Variants in ERO1B observed in about 807,000 individuals in gnomAD.
ERO1B encodes ERO1-like protein beta.
A neutral mutation model predicts 75.3 loss-of-function variants in ERO1B; 49 were observed. That is an observed-to-expected ratio of 0.65 (90% confidence interval 0.52 to 0.83). The LOEUF (loss-of-function observed/expected upper bound fraction) is 0.83, where lower values mean the gene tolerates loss of function less well. Among genes scored for constraint, ERO1B ranks in the 40% least tolerant of loss-of-function variants. ERO1B has a pLI of 0.00. For synonymous variants in ERO1B, 191 were observed against 192.9 expected (o/e 0.99, Z 0.08); for missense variants, 512 against 560.1 (o/e 0.91, Z 0.87).
At chr1:236,221,666 C>A in intron 14 of ERO1B, 1 of 343,824 alleles carries the variant, frequency 2.9e-6, no homozygotes. Flanking sequence ...ACCAACTTCA[C>A]AAATGAATCT....
intron 6 of ERO1B, among the ~76,000 whole-genome samples, chr1:236,237,410 C>T (rs1317329290): frequency 2.0e-5 from 3 of 151,956 alleles, no homozygotes; most frequent in Admixed American, 6.6e-5. Flanking sequence ...CCACTGTGCC[C>T]GGCCCTATTT....
intron 2 of ERO1B, among the ~76,000 whole-genome samples, chr1:236,261,094 T>G (rs758169458): frequency 6.6e-6 from 1 of 152,030 alleles, no homozygotes; most frequent in Non-Finnish European, 1.5e-5. Flanking sequence ...AAAAAACATA[T>G]GACAAAATTC....
chr1:236,220,482 C>T (rs1257481822), intron 15 of ERO1B: 1 of 157,868 alleles, frequency 6.3e-6, no homozygotes, highest in East Asian at 1.8e-4. Context: ...AAATAAGGAG[C>T]AGATGAAGGT....
intron 15 of ERO1B, 97 bp from the exon 16 acceptor site, chr1:236,218,673 A>T (rs1228919723): frequency 9.3e-7 from 1 of 1,080,222 alleles, no homozygotes; most frequent in Non-Finnish European, 1.2e-6. Context: ...TGAAAGCAAA[A>T]CCTAAAATAA....
intron 6 of ERO1B, among the ~76,000 whole-genome samples, chr1:236,240,194 C>T (rs770603324): frequency 3.3e-5 from 5 of 152,016 alleles, no homozygotes; most frequent in Non-Finnish European, 5.9e-5. Context: ...CATGGGCCAC[C>T]GTGCCTGGCC....
intron 7 of ERO1B, 45 bp downstream of exon 7, chr1:236,236,233 G>A (rs756759904): frequency 1.7e-5 from 28 of 1,609,644 alleles, no homozygotes; most frequent in South Asian, 3.3e-5. Flanking sequence ...GGCCTCTCCC[G>A]ACCCTCTATC....
chr1:236,270,724 G>A (rs905145909), intron 1 of ERO1B, among the ~76,000 whole-genome samples: 4 of 152,076 alleles, frequency 2.6e-5, no homozygotes, highest in African/African-American at 7.2e-5. Context: ...TATCTTCCAG[G>A]AATTATCCTG....
intron 2 of ERO1B, among the ~76,000 whole-genome samples, chr1:236,263,778 C>CTTTTTTTTTTTTTTTTTTGTTT (rs1665347525): frequency 1.2e-5 from 1 of 80,298 alleles, no homozygotes; most frequent in African/African-American, 5.2e-5. Flanking sequence ...ATTTTGTTTG[C>CTTTTTTTTTTTTTTTTTTGTTT]TTTTTTTTTT....
In ERO1B at chr1:236,220,692, C is replaced by T. The variant is rs45566335; in HGVS notation, c.1343+140G>A. 3,298 of 729,048 alleles carry T rather than the reference C, an allele frequency of 4.5e-3. 15 individuals are homozygous for T. The highest frequency in any genetic ancestry group is 6.0e-3 in the Non-Finnish European group (2,974 of 498,740). 45.2% of individuals were successfully genotyped at this position (729,048 alleles called of 1,614,324 possible). On this transcript the variant is annotated intron_variant, in intron 15 of 15. Transcript: ENST00000354619. ...GAAACTGACTTGTCAGCATTAAGGC[C>T]TCTCTAAGTTAGTACAGATACAATA...
At chr1:236,280,005 G>T (rs1371359818) in intron 1 of ERO1B, among the ~76,000 whole-genome samples, 2 of 151,966 alleles carry the variant, frequency 1.3e-5, no homozygotes, top group Non-Finnish European at 2.9e-5. Context: ...AAGTACAGGG[G>T]CAGGCCAGGT....
At chr1:236,273,810 G>GAAAAAAAAAAAAAAAAAAAAAAAAAAAAA (rs71176476) in intron 1 of ERO1B, among the ~76,000 whole-genome samples, 1 of 102,732 alleles carries the variant, frequency 9.7e-6, no homozygotes, top group African/African-American at 3.5e-5. Context: ...TGTCTCAAAA[G>GAAAAAAAAAAAAAAAAAAAAAAAAAAAAA]AAAAAAAAAA....
chr1:236,239,395 A>G (rs1161696679), intron 6 of ERO1B, among the ~76,000 whole-genome samples: 1 of 152,184 alleles, frequency 6.6e-6, no homozygotes, highest in African/African-American at 2.4e-5. Context: ...TAGTCAGTCT[A>G]TAAAGCCTAA....
intron 7 of ERO1B, 70 bp from the exon 8 acceptor site, chr1:236,235,905 A>G (rs1664529489): frequency 7.4e-7 from 1 of 1,346,260 alleles, no homozygotes; most frequent in Admixed American, 2.1e-5. Flanking sequence ...TTATTCCAAT[A>G]GAAACAAATA....
At chr1:236,267,372 T>A (rs1005105512) in intron 2 of ERO1B, among the ~76,000 whole-genome samples, 1 of 152,236 alleles carries the variant, frequency 6.6e-6, no homozygotes, top group Non-Finnish European at 1.5e-5. Flanking sequence ...TACTTTTTCA[T>A]TTGAAAAATG....
chr1:236,277,990 C>T (rs1665747181), intron 1 of ERO1B, among the ~76,000 whole-genome samples: 1 of 152,082 alleles, frequency 6.6e-6, no homozygotes, highest in South Asian at 2.1e-4. Context: ...AACCTAAGGT[C>T]ATTATGTGTT....
chr1:236,221,357 A>C (rs1664136470), intron 14 of ERO1B, among the ~76,000 whole-genome samples: 1 of 117,912 alleles, frequency 8.5e-6, no homozygotes, highest in African/African-American at 3.2e-5. Context: ...TATTAGCACT[A>C]TAGAAAAAGA....
At chr1:236,240,487 T>C (rs12027595) in intron 6 of ERO1B, among the ~76,000 whole-genome samples, 10,466 of 152,154 alleles carry the variant, frequency 0.069, 750 homozygotes, top group East Asian at 0.39. Flanking sequence ...TAAAACATGA[T>C]TTACAGTCAA....
At chr1:236,279,855 AAAAAAG>A (rs1433020960) in intron 1 of ERO1B, among the ~76,000 whole-genome samples, 2 of 151,990 alleles carry the variant, frequency 1.3e-5, no homozygotes, top group African/African-American at 4.8e-5. Context: ...AAAAAAAAAA[AAAAAAG>A]AAAGTAAGTA....
At chr1:236,253,400 C>T in intron 3 of ERO1B, 22 bp downstream of exon 3, 1 of 1,477,580 alleles carries the variant, frequency 6.8e-7, no homozygotes, top group South Asian at 1.2e-5. Flanking sequence ...TTGGCTTTGC[C>T]CTGTTATTTT....
Sources: allele counts gnomAD v4.1 joint callset (sites outside exome capture counted in the v4.1 genomes callset), GRCh38; gene constraint gnomAD v4.1.1; transcripts MANE v1.5; gene names NCBI Gene and HGNC (gene_info 2026-07-23, HGNC 2026-07-21).